WSCD1: variants seen among roughly 807,000 people sequenced by gnomAD.
WSCD1 encodes sialate:O-sulfotransferase 1.
Under a neutral mutation model 60.4 loss-of-function variants are expected in WSCD1, and 41 were observed. The observed-to-expected ratio is 0.68, with a 90% confidence interval of 0.53 to 0.88. WSCD1 has a LOEUF of 0.88. WSCD1 is among the 40% of genes least tolerant of loss of function. The probability of loss-of-function intolerance (pLI) is 0.00; values close to 1 mark genes in which losing one functional copy is unlikely to be tolerated. For synonymous variants in WSCD1, 361 were observed against 332.5 expected (o/e 1.09, Z -0.93); for missense variants, 784 against 796.2 (o/e 0.98, Z 0.18).
chr17:6,074,828 G>C (rs546092573), intron 1 of WSCD1, among the ~76,000 whole-genome samples: 3 of 152,362 alleles, frequency 2.0e-5, no homozygotes, highest in Admixed American at 2.0e-4. Context: ...GCCATTACAG[G>C]CTGTGGCATC....
intron 3 of WSCD1, among the ~76,000 whole-genome samples, chr17:6,089,691 AT>A (rs1304532669): frequency 1.3e-5 from 2 of 152,204 alleles, no homozygotes. Context: ...CATCACAGAA[AT>A]TGGCAAACAG....
chr17:6,078,406 C>T (rs1378467851), intron 1 of WSCD1, among the ~76,000 whole-genome samples: 2 of 152,180 alleles, frequency 1.3e-5, no homozygotes. Context: ...GAAGCTTTCT[C>T]TGAGGAACAA....
At chr17:6,071,275 T>C (rs1412365448) in intron 1 of WSCD1, 1 of 152,350 alleles carries the variant, frequency 6.6e-6, no homozygotes, top group African/African-American at 2.4e-5. Flanking sequence ...TTTTCTTGGC[T>C]ACTCAGGAGC....
At chr17:6,092,873 T>TG (rs1028015806) in intron 4 of WSCD1, among the ~76,000 whole-genome samples, 1 of 152,190 alleles carries the variant, frequency 6.6e-6, no homozygotes, top group Admixed American at 6.5e-5. Context: ...TTGAAGATGG[T>TG]GTCCTAGCTG....
Position 6,081,188 on chromosome 17 carries a change from C to T in WSCD1, c.427+103C>T, listed in dbSNP as rs1038625148. The T allele has an allele frequency of 2.4e-5, 32 of 1,307,632 alleles. No individual in the cohort carries two copies. In the Middle Eastern group the frequency reaches 1.3e-3, roughly 53 times the overall value. 81.0% of individuals were successfully genotyped at this position (1,307,632 alleles called of 1,614,324 possible). A position where few individuals can be genotyped will look rare whatever the true frequency, so the allele number is the denominator to read the frequency against. On this transcript the variant is annotated intron_variant, in intron 2 of 8. Transcript: ENST00000317744. Reference sequence around the variant, plus strand: ...CTCTGCAGGCCTGTGGCCTTCACCGCTAGATGGTTCTTTCCTTCTGCTCTG... The same window carrying T: ...CTCTGCAGGCCTGTGGCCTTCACCGTTAGATGGTTCTTTCCTTCTGCTCTG...
At position 6,110,788 on chromosome 17, in the gene WSCD1, A is replaced by T; in HGVS notation, c.1027A>T (p.Arg343Trp). 1 of 1,613,552 alleles carries T rather than the reference A, an allele frequency of 6.2e-7. No homozygotes were observed. Among genetic ancestry groups the T allele is most frequent in the South Asian group, 1.1e-5 (1 of 91,040 alleles). ...ACTTTCAGACACTCGTTGTACAGAC[A>T]GGAGGTTCCTGCCTAACAAATCCAA... is the stretch of plus-strand genomic sequence containing the variant. ...TPVQDTRCTD[R>W]RFLPNKSKVF... The change falls in exon 7 of 9, where the codon AGG (arginine) becomes TGG (tryptophan). Residue 343 changes from arginine (R) to tryptophan (W), a missense_variant. By Grantham distance (101) the Arg-to-Trp change is moderately radical. Coordinates refer to ENST00000317744, the MANE Select transcript of WSCD1 (RefSeq NM_015253.2). This position sits in a 1 kb window ranked among gnomAD's most constrained non-coding sequence, Gnocchi z 4.8.
chr17:6,078,561 G>A (rs558344553), intron 1 of WSCD1, among the ~76,000 whole-genome samples: 1 of 150,406 alleles, frequency 6.6e-6, no homozygotes, highest in East Asian at 2.0e-4. Flanking sequence ...GAATGTGGAG[G>A]GTGTGTGTGT....
chr17:6,117,790 T>A (rs978489491), intron 7 of WSCD1, among the ~76,000 whole-genome samples, 198 bp from the exon 8 acceptor site: 3 of 152,222 alleles, frequency 2.0e-5, no homozygotes, highest in Admixed American at 2.0e-4. Context: ...TAACTCCTGC[T>A]GTCACTTTCC....
chr17:6,107,188 T>C (rs1309009589), intron 5 of WSCD1, among the ~76,000 whole-genome samples: 2 of 152,118 alleles, frequency 1.3e-5, no homozygotes, highest in Admixed American at 6.5e-5. Flanking sequence ...TAAGGACCTT[T>C]GTCGTATTAG....
At position 6,123,597 on chromosome 17, in the gene WSCD1, G is replaced by A. The variant is rs1337333789; in HGVS notation, c.*2936G>A. On this transcript the variant is annotated 3_prime_UTR_variant, in exon 9 of 9. Coordinates refer to ENST00000317744, the MANE Select transcript of WSCD1 (RefSeq NM_015253.2). ...GTTCTTAGGGGGCCCCAAGAGGAGA[G>A]GAGAAGTGCTGAGGTTGATGTTACG... 2.0e-5 allele frequency: 3 copies of A among 152,180 alleles called. No homozygotes were observed. Among genetic ancestry groups the A allele is most frequent in the African/African-American group, 7.2e-5 (3 of 41,448 alleles). The allele number at this position is 152,180 out of a possible 1,614,324, so 9.4% of individuals were successfully genotyped here.
intron 8 of WSCD1, among the ~76,000 whole-genome samples, chr17:6,120,004 A>G (rs545452399): frequency 8.5e-5 from 13 of 152,330 alleles, no homozygotes; most frequent in African/African-American, 2.4e-4. Flanking sequence ...ACTGGCAATC[A>G]AACCACAAGA....
rs187517485 is a variant in WSCD1 at position 6,106,458 on chromosome 17, G to A, written c.850-3149G>A. Among the ~76,000 whole-genome samples the A allele has an allele frequency of 1.4e-3, 216 of 152,314 alleles. 1 individual carries two copies. The highest frequency in any genetic ancestry group is 1.8e-3 in the Non-Finnish European group (124 of 68,034). On this transcript the variant is annotated intron_variant, in intron 5 of 8. Transcript: ENST00000317744. Reference sequence around the variant, plus strand: ...GATCCACAGACACAGATAACAACATGAATGGATTTGACAAATGTTTTTCTG... The same window carrying A: ...GATCCACAGACACAGATAACAACATAAATGGATTTGACAAATGTTTTTCTG...
intron 5 of WSCD1, among the ~76,000 whole-genome samples, chr17:6,098,316 G>A (rs915722027): frequency 1.3e-5 from 2 of 152,152 alleles, no homozygotes; most frequent in Non-Finnish European, 1.5e-5. Flanking sequence ...GAATTTAAAG[G>A]CTTATAACTC....
intron 5 of WSCD1, among the ~76,000 whole-genome samples, chr17:6,096,146 A>G (rs1910410505): frequency 6.6e-6 from 1 of 152,184 alleles, no homozygotes; most frequent in South Asian, 2.1e-4. Flanking sequence ...TAATCCTCCT[A>G]ACAACCCTAC....
chr17:6,075,598 TC>T lies in WSCD1; in HGVS notation c.-288-4771del, dbSNP rs1242367979. ...GGGCTCCTGCTCCCTCCCTGAGACT[TC>T]CAGAAGCCCATTTGTTCTGTTACTC... On this transcript the variant is annotated intron_variant, in intron 1 of 8. Transcript: ENST00000317744. The surrounding 1 kb of genome is among the most constrained non-coding windows in gnomAD (Gnocchi z 4.1). Among the ~76,000 whole-genome samples, 1 of 152,154 alleles carries T rather than the reference TC, an allele frequency of 6.6e-6. No homozygotes were observed. Among genetic ancestry groups the T allele is most frequent in the Non-Finnish European group, 1.5e-5 (1 of 68,020 alleles).
chr17:6,071,431 A>G (rs919094301), intron 1 of WSCD1, among the ~76,000 whole-genome samples: 1 of 152,128 alleles, frequency 6.6e-6, no homozygotes, highest in South Asian at 2.1e-4. Flanking sequence ...AGCAGTGGGA[A>G]GGCTCATATA....
chr17:6,119,274 T>C (rs899536884), intron 8 of WSCD1, among the ~76,000 whole-genome samples: 1 of 152,228 alleles, frequency 6.6e-6, no homozygotes, highest in African/African-American at 2.4e-5. Context: ...GCTTTATTCA[T>C]GGAATCAGTC....
chr17:6,088,174 G>C (rs962069628), intron 3 of WSCD1, 70 bp downstream of exon 3: 2 of 1,325,766 alleles, frequency 1.5e-6, no homozygotes, highest in African/African-American at 2.9e-5. Flanking sequence ...AGAATGAGGA[G>C]GCATATCAGC....
At position 6,070,439 on chromosome 17, in the gene WSCD1, G is replaced by A. The variant is rs959151984; in HGVS notation, c.-502G>A. ...GCCCCGGCTCCGCGCCCGCCCGCCCGCCCCGCCGTTCAGCCCGGACGCCAG... is the reference window on the plus strand; with the variant it reads ...GCCCCGGCTCCGCGCCCGCCCGCCCACCCCGCCGTTCAGCCCGGACGCCAG... On this transcript the variant is annotated 5_prime_UTR_variant, in exon 1 of 9. Transcript: ENST00000317744. 2 of 145,838 alleles carry A rather than the reference G, an allele frequency of 1.4e-5. No homozygotes were observed. Among genetic ancestry groups the A allele is most frequent in the Admixed American group, 1.4e-4 (2 of 14,636 alleles). 9.0% of individuals were successfully genotyped at this position (145,838 alleles called of 1,614,324 possible). A position where few individuals can be genotyped will look rare whatever the true frequency, so the allele number is the denominator to read the frequency against.
Sources: gnomAD v4.1 joint callset for allele counts (sites outside exome capture counted in the v4.1 genomes callset) on GRCh38, gnomAD v4.1.1 for gene constraint, Gnocchi (gnomAD v3.1) non-coding constraint, MANE v1.5 for transcripts, NCBI Gene and HGNC (gene_info 2026-07-23, HGNC 2026-07-21) for gene names.